SH3RF3: variants seen among roughly 807,000 people sequenced by gnomAD.
The protein encoded by SH3RF3 is E3 ubiquitin-protein ligase SH3RF3.
SH3RF3 carries 29 observed loss-of-function variants against 66.3 expected under a neutral mutation model. The observed-to-expected ratio is 0.44, with a 90% CI of 0.33 to 0.60. The LOEUF (loss-of-function observed/expected upper bound fraction) is 0.60, where lower values mean the gene tolerates loss of function less well. Among genes scored for constraint, SH3RF3 ranks in the 20% least tolerant of loss-of-function variants. SH3RF3 has a pLI of 0.04. For missense variants in SH3RF3, 1,194 were observed against 1,190.9 expected (o/e 1.00, Z -0.04); for synonymous variants, 583 against 532.0 (o/e 1.10, Z -1.32).
rs117376797 is a variant in SH3RF3, at chr2:109,202,602, A to G, written c.573+72489A>G. Among the ~76,000 whole-genome samples the G allele has an allele frequency of 5.6e-4, 86 of 152,248 alleles. No homozygotes were observed. The East Asian group carries it at 0.013, about 24-fold the overall frequency. On this transcript the variant is annotated intron_variant, in intron 1 of 9. Transcript: ENST00000309415. ...TTTAAAAATTGAGAATTCCTTTTTC[A>G]GAGCATAGAGGGTGAGGCGTCAGCC...
In SH3RF3 at chr2:109,449,984, G is replaced by A. The variant is rs79097312; in HGVS notation, c.2148+495G>A. Among the ~76,000 whole-genome samples, 33 of 152,290 alleles carry A rather than the reference G, an allele frequency of 2.2e-4. No individual in the cohort carries two copies. In the East Asian group the frequency reaches 6.4e-3, roughly 29 times the overall value. ...CCTGAGGAGCAATGAGAAGGAACAG[G>A]AGAATGCTGACCTGATGGCTGGTGT... On this transcript the variant is annotated intron_variant, in intron 8 of 9. Transcript: ENST00000309415.
At chr2:109,146,065 G>A (rs958229881) in intron 1 of SH3RF3, among the ~76,000 whole-genome samples, 33 of 152,220 alleles carry the variant, frequency 2.2e-4, no homozygotes, top group Middle Eastern at 3.4e-3. Context: ...GTCCATGCAG[G>A]AAAAGTGCTG....
rs1558938263 is a variant in SH3RF3, at chr2:109,170,289, CT to C, written c.573+40178del. Among the ~76,000 whole-genome samples the C allele has an allele frequency of 1.9e-4, 23 of 120,874 alleles. 1 individual carries two copies. The East Asian group carries it at 3.6e-3, about 19-fold the overall frequency. The allele number at this position is 120,874 out of a possible 152,430, so 79.3% of individuals were successfully genotyped here. ...CTTCTCTTCTCTTCTCTTCTCTTCTCTTCTCTTCTCTTCTCTTCTCTTCTCT... is the reference window on the plus strand; with the variant it reads ...CTTCTCTTCTCTTCTCTTCTCTTCTCTCTCTTCTCTTCTCTTCTCTTCTCT... On this transcript the variant is annotated intron_variant, in intron 1 of 9. Coordinates refer to ENST00000309415, the MANE Select transcript of SH3RF3 (RefSeq NM_001099289.3).
intron 1 of SH3RF3, among the ~76,000 whole-genome samples, chr2:109,199,643 G>GTTCC (rs1678610983): frequency 0.1 from 2 of 20 alleles, 1 homozygote; most frequent in Non-Finnish European, 0.25. Context: ...GGAATGGAAT[G>GTTCC]GAATGGAATG....
At chr2:109,195,981 C>T (rs555980265) in intron 1 of SH3RF3, among the ~76,000 whole-genome samples, 1 of 152,322 alleles carries the variant, frequency 6.6e-6, no homozygotes, top group African/African-American at 2.4e-5. Context: ...TCTGGAGACA[C>T]CACCAGAAAC....
chr2:109,251,950 G>A (rs904177013), intron 1 of SH3RF3, among the ~76,000 whole-genome samples: 1 of 152,076 alleles, frequency 6.6e-6, no homozygotes, highest in Non-Finnish European at 1.5e-5. Context: ...AATAAAACAA[G>A]ATAAAACTTT....
chr2:109,347,624 G>A lies in SH3RF3; in HGVS notation c.574-50G>A, dbSNP rs778377701. ...CCTGCCCCGGCAGATCCACTGTGGG[G>A]CATTGGGAAGGGGCATGCCCGGTGA... On this transcript the variant is annotated intron_variant, in intron 1 of 9. Coordinates refer to ENST00000309415, the MANE Select transcript of SH3RF3 (RefSeq NM_001099289.3). 3.0e-5 allele frequency: 47 copies of A among 1,587,164 alleles called. No homozygotes were observed. In the African/African-American group the frequency reaches 3.9e-4, roughly 13 times the overall value.
intron 1 of SH3RF3, among the ~76,000 whole-genome samples, chr2:109,306,246 G>A (rs1681593881): frequency 6.6e-6 from 1 of 152,228 alleles, no homozygotes. Context: ...GGAAGTGTCA[G>A]CAGTGGGGCC....
intron 3 of SH3RF3, among the ~76,000 whole-genome samples, chr2:109,385,795 A>T (rs891187009): frequency 7.9e-5 from 12 of 152,252 alleles, no homozygotes; most frequent in Non-Finnish European, 1.5e-5. Flanking sequence ...GGACTGAGGT[A>T]GGACCTGGCA....
intron 1 of SH3RF3, among the ~76,000 whole-genome samples, chr2:109,155,632 A>G (rs1677329007): frequency 6.6e-6 from 1 of 152,048 alleles, no homozygotes; most frequent in South Asian, 2.1e-4. Context: ...AATTTTGGCT[A>G]TTTGTGATTT....
chr2:109,275,513 C>T (rs879650252), intron 1 of SH3RF3, among the ~76,000 whole-genome samples: 10 of 152,080 alleles, frequency 6.6e-5, no homozygotes, highest in East Asian at 1.9e-4. Flanking sequence ...AGATTGTTCC[C>T]GATGACCTAG....
intron 3 of SH3RF3, among the ~76,000 whole-genome samples, chr2:109,391,480 T>A (rs1675995091): frequency 6.6e-6 from 1 of 152,216 alleles, no homozygotes; most frequent in Non-Finnish European, 1.5e-5. Context: ...CACACAGGTC[T>A]CCAGCACACT....
chr2:109,446,281 C>G (rs1206723824), intron 7 of SH3RF3, among the ~76,000 whole-genome samples: 2 of 152,108 alleles, frequency 1.3e-5, no homozygotes, highest in East Asian at 3.9e-4. Context: ...TTCTTTTTTC[C>G]TCAGAGACTC....
chr2:109,158,416 G>C (rs1677402750), intron 1 of SH3RF3, among the ~76,000 whole-genome samples: 1 of 152,162 alleles, frequency 6.6e-6, no homozygotes, highest in East Asian at 1.9e-4. Flanking sequence ...GCCTTCGTGG[G>C]TCATTGGGCA....
chr2:109,425,320 A>G (rs1676997406), intron 5 of SH3RF3, among the ~76,000 whole-genome samples: 1 of 152,256 alleles, frequency 6.6e-6, no homozygotes, highest in Admixed American at 6.5e-5. Flanking sequence ...AAGCTGTAGC[A>G]AGTTATCCAG....
intron 1 of SH3RF3, among the ~76,000 whole-genome samples, chr2:109,138,187 C>T (rs1179004942): frequency 7.2e-5 from 11 of 152,238 alleles, no homozygotes; most frequent in Non-Finnish European, 1.5e-4. Flanking sequence ...GGCTAACGCC[C>T]GGCTAATTTT....
chr2:109,481,161 G>A (rs896051927), intron 8 of SH3RF3, among the ~76,000 whole-genome samples: 18 of 152,194 alleles, frequency 1.2e-4, no homozygotes, highest in Non-Finnish European at 2.2e-4. Flanking sequence ...CCATGAGAGG[G>A]GAACATCTCA....
intron 1 of SH3RF3, among the ~76,000 whole-genome samples, chr2:109,335,115 T>G (rs1198261682): frequency 4.6e-5 from 7 of 152,192 alleles, no homozygotes; most frequent in Non-Finnish European, 4.4e-5. Context: ...ACCGAACATT[T>G]CGTGTTTTCG....
intron 1 of SH3RF3, among the ~76,000 whole-genome samples, chr2:109,195,918 A>G (rs1338541000): frequency 6.6e-6 from 1 of 152,172 alleles, no homozygotes; most frequent in Non-Finnish European, 1.5e-5. Flanking sequence ...TTATCTCATT[A>G]CTGACTGAGC....
Sources: gnomAD v4.1 joint callset for allele counts (sites outside exome capture counted in the v4.1 genomes callset) on GRCh38, gnomAD v4.1.1 for gene constraint, MANE v1.5 for transcripts, NCBI Gene and HGNC (gene_info 2026-07-23, HGNC 2026-07-21) for gene names.